Variants in TAFA1 observed in about 807,000 individuals in gnomAD.
TAFA1 encodes the protein chemokine-like protein TAFA-1.
Under a neutral mutation model 18.5 loss-of-function variants are expected in TAFA1, and 4 were observed. That is an observed-to-expected ratio of 0.22 (90% CI 0.11 to 0.49). The LOEUF is 0.49. TAFA1 is among the 20% of genes least tolerant of loss of function. TAFA1 has a pLI of 0.98. For synonymous variants in TAFA1, 56 were observed against 55.2 expected, an observed-to-expected ratio of 1.01 and a Z score of -0.06; for missense variants, 147 against 169.0, an observed-to-expected ratio of 0.87 and a Z score of 0.72.
chr3:68,266,080 G>T (rs1348007583), intron 2 of TAFA1, among the ~76,000 whole-genome samples: 2 of 152,146 alleles, frequency 1.3e-5, no homozygotes, highest in South Asian at 2.1e-4. Context: ...GACATAAAAT[G>T]TTCCCTTCAT....
At chr3:68,027,605 C>G (rs961737721) in intron 2 of TAFA1, among the ~76,000 whole-genome samples, 2 of 152,180 alleles carry the variant, frequency 1.3e-5, no homozygotes, top group African/African-American at 4.8e-5. Context: ...ACCCCCAGGT[C>G]TATTTCACAC....
chr3:68,077,679 G>C (rs1374175213), intron 2 of TAFA1, among the ~76,000 whole-genome samples: 5 of 151,932 alleles, frequency 3.3e-5, no homozygotes, highest in African/African-American at 1.2e-4. Flanking sequence ...TCTCTATTTT[G>C]GTACCAGTAC....
chr3:68,416,302 A>G (rs968395484), intron 2 of TAFA1, among the ~76,000 whole-genome samples: 1 of 152,154 alleles, frequency 6.6e-6, no homozygotes. Context: ...CTCTATGTAC[A>G]GGAGATGTAT....
At position 68,486,102 on chromosome 3, in the gene TAFA1, G is replaced by GTTTTATTTTATTTTATTTTA. The variant is rs528561242; in HGVS notation, c.260-52629_260-52610dup. On this transcript the variant is annotated intron_variant, in intron 3 of 4. Transcript: ENST00000478136. ...ATTTTATTTTATTTTATTTTATTTTGTTTTATTTTATTTTATTTTATTTTA... is the reference window on the plus strand; with the variant it reads ...ATTTTATTTTATTTTATTTTATTTTGTTTTATTTTATTTTATTTTATTTTATTTTATTTTATTTTATTTTA... 6.5e-3 allele frequency among the ~76,000 whole-genome samples: 786 copies of GTTTTATTTTATTTTATTTTA among 121,364 alleles called. 6 individuals carry two copies. Among genetic ancestry groups the GTTTTATTTTATTTTATTTTA allele is most frequent in the African/African-American group, 0.023 (728 of 32,082 alleles). 79.6% of individuals were successfully genotyped at this position (121,364 alleles called of 152,430 possible).
At chr3:68,422,361 C>A (rs1256976056) in intron 3 of TAFA1, among the ~76,000 whole-genome samples, 1 of 152,074 alleles carries the variant, frequency 6.6e-6, no homozygotes, top group South Asian at 2.1e-4. Context: ...AACTTCTCTG[C>A]GTGACAGCAG....
intron 2 of TAFA1, among the ~76,000 whole-genome samples, chr3:68,126,529 C>A (rs2065466973): frequency 6.6e-6 from 1 of 152,186 alleles, no homozygotes; most frequent in Non-Finnish European, 1.5e-5. Flanking sequence ...GATTCTCTAT[C>A]TTTTCAAAAA....
upstream of TAFA1, among the ~76,000 whole-genome samples, chr3:68,000,068 C>T (rs1475458051): frequency 1.3e-5 from 2 of 152,170 alleles, no homozygotes; most frequent in Admixed American, 6.5e-5. Flanking sequence ...GGATTCTAGG[C>T]GTGAGCCACC....
At position 68,466,547 on chromosome 3, in the gene TAFA1, C is replaced by T. The variant is rs150659423; in HGVS notation, c.259+49127C>T. On this transcript the variant is annotated intron_variant, in intron 3 of 4. Coordinates refer to ENST00000478136, the MANE Select transcript of TAFA1 (RefSeq NM_213609.4). Reference sequence around the variant, plus strand: ...GCCCATACCCCTTGAAGTACTCGGTCCTGTATGAACATCCCTTGAAACACT... The same window carrying T: ...GCCCATACCCCTTGAAGTACTCGGTTCTGTATGAACATCCCTTGAAACACT... Among the ~76,000 whole-genome samples the T allele has an allele frequency of 2.6e-5, 4 of 152,274 alleles. No individual in the cohort carries two copies. In the East Asian group the frequency reaches 5.8e-4, roughly 22 times the overall value.
At chr3:68,397,904 G>T (rs1447750468) in intron 2 of TAFA1, among the ~76,000 whole-genome samples, 1 of 152,064 alleles carries the variant, frequency 6.6e-6, no homozygotes, top group Non-Finnish European at 1.5e-5. Flanking sequence ...TTTGTCTTTT[G>T]TTACAATTGC....
chr3:68,419,562 G>A (rs190124195), intron 3 of TAFA1, among the ~76,000 whole-genome samples: 2 of 152,302 alleles, frequency 1.3e-5, no homozygotes, highest in Admixed American at 1.3e-4. Context: ...ATAATTTAGA[G>A]CTGGGTGTAA....
the TAFA1 span, among the ~76,000 whole-genome samples, chr3:67,993,602 ACACCTTATT>A: frequency 1.3e-5 from 2 of 152,298 alleles, no homozygotes; most frequent in Non-Finnish European, 2.9e-5. Context: ...GGAAAAATAA[ACACCTTATT>A]CTTGCTATTC....
At chr3:68,042,661 C>A (rs13324214) in intron 2 of TAFA1, among the ~76,000 whole-genome samples, 10,054 of 152,162 alleles carry the variant, frequency 0.066, 454 homozygotes, top group South Asian at 0.17. Context: ...AACACACAAA[C>A]AAAAACTTTA....
At chr3:68,516,605 C>T (rs2106740723) in intron 3 of TAFA1, among the ~76,000 whole-genome samples, 1 of 152,250 alleles carries the variant, frequency 6.6e-6, no homozygotes, top group South Asian at 2.1e-4. Flanking sequence ...TTAAGGAGAG[C>T]ACTGGTTCTT....
At chr3:68,247,449 T>C (rs2067102135) in intron 2 of TAFA1, 1 of 152,144 alleles carries the variant, frequency 6.6e-6, no homozygotes, top group African/African-American at 2.4e-5. Context: ...ACCTTGTCAG[T>C]TTTGCAGTGC....
At chr3:68,428,826 C>A (rs765304169) in intron 3 of TAFA1, among the ~76,000 whole-genome samples, 1 of 151,890 alleles carries the variant, frequency 6.6e-6, no homozygotes, top group Non-Finnish European at 1.5e-5. Context: ...TTAGAGTGAC[C>A]TGTACATGCT....
intron 2 of TAFA1, among the ~76,000 whole-genome samples, chr3:68,119,661 C>A (rs537827077): frequency 9.9e-5 from 15 of 152,040 alleles, no homozygotes; most frequent in Admixed American, 9.8e-4. Flanking sequence ...TGATCTTGCA[C>A]CCTTGTCAAA....
chr3:68,015,331 G>C (rs950470349), intron 2 of TAFA1, among the ~76,000 whole-genome samples: 1 of 149,086 alleles, frequency 6.7e-6, no homozygotes, highest in South Asian at 2.1e-4. Context: ...TTGTTGCCTA[G>C]GCTGGAGTGC....
At chr3:68,260,186 T>C (rs1187586697) in intron 2 of TAFA1, among the ~76,000 whole-genome samples, 2 of 152,286 alleles carry the variant, frequency 1.3e-5, no homozygotes, top group African/African-American at 2.4e-5. Context: ...TCTGCATCTA[T>C]TGAGATAATC....
At chr3:68,376,830 A>G (rs1227021519) in intron 2 of TAFA1, among the ~76,000 whole-genome samples, 2 of 152,126 alleles carry the variant, frequency 1.3e-5, no homozygotes, top group Non-Finnish European at 2.9e-5. Flanking sequence ...TAATTCCCAC[A>G]TGTTGAGGGA....
Sources: allele counts gnomAD v4.1 joint callset (sites outside exome capture counted in the v4.1 genomes callset), GRCh38; gene constraint gnomAD v4.1.1; transcripts MANE v1.5; gene names NCBI Gene and HGNC (gene_info 2026-07-23, HGNC 2026-07-21).